The following NCALD variants were observed in gnomAD, a reference collection of about 807,000 sequenced individuals.
NCALD encodes neurocalcin delta, also known as neurocalcin-delta.
In NCALD, 10 loss-of-function variants were observed where a neutral mutation model predicts 18.6. The ratio of observed to expected loss-of-function variants is 0.54; its 90% CI spans 0.33 to 0.91. The LOEUF is 0.91. Ranked by LOEUF, NCALD falls within the 40% of genes least tolerant of loss-of-function variation. The pLI is 0.03. For missense variants in NCALD, 184 were observed against 247.6 expected (o/e 0.74, Z 1.72); for synonymous variants, 88 against 87.4 (o/e 1.01, Z -0.04).
chr8:101,747,248 G>T (rs1180510667), intron 1 of NCALD, among the ~76,000 whole-genome samples: 5 of 152,302 alleles, frequency 3.3e-5, no homozygotes, highest in Admixed American at 3.3e-4. Context: ...GCCAATGATA[G>T]TGGTTGCATC....
At chr8:101,788,586 G>A (rs981207240) in intron 1 of NCALD, 3 of 152,072 alleles carry the variant, frequency 2.0e-5, no homozygotes, top group Non-Finnish European at 4.4e-5. Context: ...TTTAGTTAAC[G>A]TTTTTCAATG....
intron 3 of NCALD, among the ~76,000 whole-genome samples, chr8:101,896,570 A>G (rs1341772956): frequency 0.063 from 9,551 of 150,696 alleles, 642 homozygotes; most frequent in African/African-American, 0.17. Flanking sequence ...CCATCAGAGT[A>G]AACAGGCAAC....
chr8:101,982,440 T>C (rs1286863956), intron 2 of NCALD, among the ~76,000 whole-genome samples: 1 of 152,172 alleles, frequency 6.6e-6, no homozygotes, highest in East Asian at 1.9e-4. Flanking sequence ...CTATAAACTA[T>C]AAAATACTAT....
At chr8:101,990,857 CCTAT>C (rs1457656378) in intron 2 of NCALD, among the ~76,000 whole-genome samples, 2 of 152,210 alleles carry the variant, frequency 1.3e-5, no homozygotes, top group Non-Finnish European at 2.9e-5. Context: ...CTGCCAACCA[CCTAT>C]CTATTAGTAG....
intron 2 of NCALD, among the ~76,000 whole-genome samples, chr8:101,926,918 T>C (rs1478017160): frequency 6.6e-6 from 1 of 152,196 alleles, no homozygotes; most frequent in Non-Finnish European, 1.5e-5. Context: ...TTTTTGTTCC[T>C]ATACCATACA....
In NCALD at chr8:101,807,899, A is replaced by G. The variant is rs1813162235; in HGVS notation, c.-20+79242T>C. Among the ~76,000 whole-genome samples, 3 of 152,220 alleles carry G rather than the reference A, an allele frequency of 2.0e-5. No individual in the cohort carries two copies. The South Asian group carries it at 6.2e-4, about 31-fold the overall frequency. ...TCATAGTTGGGAAAAGAAGAGCATC[A>G]TAAAACTAAAGAAAGTAGAAAGAAG... On this transcript the variant is annotated intron_variant, in intron 4 of 6. Transcript: ENST00000311028.
intron 4 of NCALD, among the ~76,000 whole-genome samples, chr8:101,877,930 G>A (rs183864363): frequency 9.2e-5 from 14 of 152,262 alleles, no homozygotes; most frequent in East Asian, 5.8e-4. Context: ...TTTGTATTAC[G>A]TATTTGTATA....
intron 4 of NCALD, among the ~76,000 whole-genome samples, chr8:101,818,510 T>A (rs1430796533): frequency 6.6e-6 from 1 of 152,078 alleles, no homozygotes; most frequent in African/African-American, 2.4e-5. Context: ...AAGCCAAAAA[T>A]TTTCCCTCTA....
At chr8:101,854,345 C>T (rs1165857548) in intron 4 of NCALD, among the ~76,000 whole-genome samples, 1 of 152,144 alleles carries the variant, frequency 6.6e-6, no homozygotes, top group Non-Finnish European at 1.5e-5. Context: ...ACTCTACTTT[C>T]AAACTGGTTT....
chr8:101,931,034 G>A (rs577352857), intron 2 of NCALD, among the ~76,000 whole-genome samples: 18 of 152,248 alleles, frequency 1.2e-4, no homozygotes, highest in South Asian at 4.2e-4. Flanking sequence ...AAGCAGAGGC[G>A]AAAGCTGTGT....
intron 4 of NCALD, among the ~76,000 whole-genome samples, chr8:101,881,399 G>A (rs979699800): frequency 1.3e-5 from 2 of 152,134 alleles, no homozygotes; most frequent in African/African-American, 2.4e-5. Context: ...TTAAACCGCC[G>A]ATAATATGGG....
chr8:101,931,702 T>C (rs923700267), intron 2 of NCALD, among the ~76,000 whole-genome samples: 1 of 152,204 alleles, frequency 6.6e-6, no homozygotes, highest in African/African-American at 2.4e-5. Context: ...GCTGTCCTTT[T>C]CATTTTCCTT....
At chr8:101,697,450 C>T in intron 2 of NCALD, among the ~76,000 whole-genome samples, 1 of 152,108 alleles carries the variant, frequency 6.6e-6, no homozygotes, top group African/African-American at 2.4e-5. Flanking sequence ...TTTTATGAGG[C>T]TAGTATCATT....
chr8:101,883,086 T>C (rs1005928225), intron 4 of NCALD, among the ~76,000 whole-genome samples: 2 of 152,156 alleles, frequency 1.3e-5, no homozygotes, highest in African/African-American at 2.4e-5. Flanking sequence ...TAAGAAGAAA[T>C]AGAGGCCAGA....
chr8:101,770,876 C>T (rs540643948), intron 1 of NCALD, among the ~76,000 whole-genome samples: 152 of 152,116 alleles, frequency 1.0e-3, no homozygotes, highest in Non-Finnish European at 1.6e-3. Context: ...AATCTTTAGG[C>T]CGTATTACAA....
At chr8:101,715,086 A>G in intron 2 of NCALD, among the ~76,000 whole-genome samples, 1 of 152,106 alleles carries the variant, frequency 6.6e-6, no homozygotes. Flanking sequence ...CCAAAACGGC[A>G]TGGTACTAGT....
At chr8:102,102,268 G>C (rs566099277) in intron 1 of NCALD, among the ~76,000 whole-genome samples, 1 of 152,076 alleles carries the variant, frequency 6.6e-6, no homozygotes, top group Non-Finnish European at 1.5e-5. Context: ...CACAATTAAC[G>C]CTCCACCCAA....
intron 2 of NCALD, among the ~76,000 whole-genome samples, chr8:102,005,590 C>T (rs1056654158): frequency 7.2e-5 from 11 of 152,030 alleles, no homozygotes; most frequent in South Asian, 2.1e-4. Flanking sequence ...ATGTTTATTG[C>T]GGCACTATTG....
chr8:101,798,461 G>A (rs1254663422), intron 4 of NCALD, among the ~76,000 whole-genome samples: 1 of 152,114 alleles, frequency 6.6e-6, no homozygotes, highest in Non-Finnish European at 1.5e-5. Flanking sequence ...ACAGGTACAG[G>A]ACTTGTATTC....
Sources: gnomAD v4.1 joint callset for allele counts (sites outside exome capture counted in the v4.1 genomes callset) on GRCh38, gnomAD v4.1.1 for gene constraint, MANE v1.5 for transcripts, NCBI Gene and HGNC (gene_info 2026-07-23, HGNC 2026-07-21) for gene names.